Variants in SNTG2 observed in about 807,000 individuals in gnomAD.
The protein encoded by SNTG2 is gamma-2-syntrophin.
A neutral mutation model predicts 70.9 loss-of-function variants in SNTG2; 74 were observed. The ratio of observed to expected loss-of-function variants is 1.04; its 90% CI spans 0.86 to 1.27. The LOEUF is 1.27. Ranked by LOEUF, SNTG2 falls within the 50% of genes most tolerant of loss-of-function variation. The pLI is 0.00. For missense variants in SNTG2, 717 were observed against 690.7 expected (o/e 1.04, Z -0.43); for synonymous variants, 278 against 273.8 (o/e 1.02, Z -0.15).
chr2:1,255,921 T>TATATATATAA (rs1558603067), intron 12 of SNTG2, among the ~76,000 whole-genome samples: 2 of 65,228 alleles, frequency 3.1e-5, no homozygotes, highest in Non-Finnish European at 5.3e-5. Flanking sequence ...TATATATAAA[T>TATATATATAA]ATATAAATAT....
rs77101653 is a variant in SNTG2, at chr2:1,175,509, G to T, written c.591+2326G>T. 3.1e-3 allele frequency among the ~76,000 whole-genome samples: 470 copies of T among 152,250 alleles called. 3 individuals carry two copies. The highest frequency in any genetic ancestry group is 6.8e-3 in the Middle Eastern group (2 of 294). ...GACTGTAATTGCCAGATTTACTGGG[G>T]AGAATCAAACCTTTCTGACTCACCT... On this transcript the variant is annotated intron_variant, in intron 8 of 16. Transcript: ENST00000308624.
At chr2:1,249,312 C>T (rs1677623505) in intron 12 of SNTG2, among the ~76,000 whole-genome samples, 1 of 152,128 alleles carries the variant, frequency 6.6e-6, no homozygotes, top group South Asian at 2.1e-4. Context: ...GACACATTCA[C>T]TTGCTTTTTT....
chr2:1,137,559 G>A, intron 4 of SNTG2, 63 bp from the exon 5 acceptor site: 7 of 1,571,080 alleles, frequency 4.5e-6, no homozygotes, highest in African/African-American at 1.3e-5. Flanking sequence ...TTAAATGACT[G>A]TCATAACAAA....
Position 1,095,086 on chromosome 2 carries a change from AAG to A in SNTG2, c.211-3106_211-3105del, listed in dbSNP as rs1236753208. Among the ~76,000 whole-genome samples, 4 of 152,114 alleles carry A rather than the reference AAG, an allele frequency of 2.6e-5. No individual in the cohort carries two copies. In the East Asian group the frequency reaches 5.8e-4, roughly 22 times the overall value. On this transcript the variant is annotated intron_variant, in intron 2 of 16. Coordinates refer to ENST00000308624, the MANE Select transcript of SNTG2 (RefSeq NM_018968.4). ...GGGAGAGAAAGAGCAAGAGAGAAAAAAGAGAAAAAAAAAGAGAGAGAGAGAGC... is the reference window on the plus strand; with the variant it reads ...GGGAGAGAAAGAGCAAGAGAGAAAAAAGAAAAAAAAAGAGAGAGAGAGAGC...
At chr2:1,306,746 CTGTGTG>C (rs1055488259) in intron 14 of SNTG2, among the ~76,000 whole-genome samples, 1 of 148,646 alleles carries the variant, frequency 6.7e-6, no homozygotes, top group Non-Finnish European at 1.5e-5. Flanking sequence ...GTGAGCCACA[CTGTGTG>C]TGTCAGCCAT....
intron 1 of SNTG2, among the ~76,000 whole-genome samples, chr2:997,014 G>A (rs1441956625): frequency 6.6e-6 from 1 of 152,144 alleles, no homozygotes; most frequent in Non-Finnish European, 1.5e-5. Context: ...ACTTCGTTCT[G>A]TGTCTGCCTT....
intron 8 of SNTG2, among the ~76,000 whole-genome samples, chr2:1,186,316 C>T (rs1314796166): frequency 1.3e-5 from 2 of 152,208 alleles, no homozygotes; most frequent in African/African-American, 2.4e-5. Context: ...CACTTATTTT[C>T]CTATTTTCTG....
chr2:1,062,822 G>A (rs569099145), intron 1 of SNTG2, among the ~76,000 whole-genome samples: 2 of 152,186 alleles, frequency 1.3e-5, no homozygotes, highest in Admixed American at 6.5e-5. Context: ...TGGTGTATTC[G>A]TAAGTGATGT....
intron 4 of SNTG2, among the ~76,000 whole-genome samples, chr2:1,133,303 T>A (rs1300208575): frequency 6.6e-6 from 1 of 152,228 alleles, no homozygotes; most frequent in Non-Finnish European, 1.5e-5. Flanking sequence ...CAGAAGTGTC[T>A]TTACAAATTC....
chr2:1,234,470 T>C (rs1355979971), intron 9 of SNTG2, among the ~76,000 whole-genome samples: 1 of 152,234 alleles, frequency 6.6e-6, no homozygotes, highest in African/African-American at 2.4e-5. Flanking sequence ...TACAAATAAC[T>C]TTGTTTCAGT....
At chr2:1,124,970 A>G (rs1235279982) in intron 4 of SNTG2, among the ~76,000 whole-genome samples, 1 of 152,154 alleles carries the variant, frequency 6.6e-6, no homozygotes. Flanking sequence ...CAAAACAAAA[A>G]TATGGGTAAT....
At chr2:1,221,521 C>CTG (rs1674859991) in intron 9 of SNTG2, among the ~76,000 whole-genome samples, 1 of 6,582 alleles carries the variant, frequency 1.5e-4, no homozygotes, top group Non-Finnish European at 3.4e-4. Context: ...CTCTCTGTCT[C>CTG]TCTCTATCTC....
chr2:1,216,898 G>A (rs1044040654), intron 9 of SNTG2, among the ~76,000 whole-genome samples: 1 of 151,844 alleles, frequency 6.6e-6, no homozygotes, highest in Non-Finnish European at 1.5e-5. Context: ...TGATGGTTTT[G>A]TAAGGGGCTC....
rs541669637 is a variant in SNTG2 at position 1,007,555 on chromosome 2, C to T, written c.72+56487C>T. Reference sequence around the variant, plus strand: ...TGTCTTTAAATCACCCACCACAAGGCATAGTAGACAAGGTGAGCAAGGAAT... The same window carrying T: ...TGTCTTTAAATCACCCACCACAAGGTATAGTAGACAAGGTGAGCAAGGAAT... On this transcript the variant is annotated intron_variant, in intron 1 of 16. Coordinates refer to ENST00000308624, the MANE Select transcript of SNTG2 (RefSeq NM_018968.4). Among the ~76,000 whole-genome samples, 4 of 152,252 alleles carry T rather than the reference C, an allele frequency of 2.6e-5. No homozygotes were observed. The South Asian group carries it at 8.3e-4, about 32-fold the overall frequency.
intron 1 of SNTG2, among the ~76,000 whole-genome samples, chr2:956,121 G>T (rs1660137959): frequency 1.3e-5 from 1 of 78,004 alleles, no homozygotes; most frequent in South Asian, 4.6e-4. Context: ...CCCTGCCCCT[G>T]CCCATGCCCT....
rs1042564549 is a variant in SNTG2 at position 1,098,076 on chromosome 2, A to G, written c.211-120A>G. The G allele has an allele frequency of 4.9e-5, 54 of 1,103,724 alleles. 1 individual carries two copies. In the East Asian group the frequency reaches 1.3e-3, roughly 26 times the overall value. The allele number at this position is 1,103,724 out of a possible 1,614,324, so 68.4% of individuals were successfully genotyped here. ...TGTCATTACTGTCATATTTAGCCAAAGTTGCTTTGGAAATATAATTTAACA... is the reference window on the plus strand; with the variant it reads ...TGTCATTACTGTCATATTTAGCCAAGGTTGCTTTGGAAATATAATTTAACA... On this transcript the variant is annotated intron_variant, in intron 2 of 16. Coordinates refer to ENST00000308624, the MANE Select transcript of SNTG2 (RefSeq NM_018968.4).
intron 16 of SNTG2, among the ~76,000 whole-genome samples, chr2:1,351,145 T>C (rs747130563): frequency 1.4e-4 from 22 of 151,886 alleles, no homozygotes; most frequent in Non-Finnish European, 3.1e-4. Context: ...TTAATTTCCT[T>C]GTTTTCCCTC....
chr2:1,248,676 A>G (rs1175284333), intron 12 of SNTG2, among the ~76,000 whole-genome samples: 11 of 152,192 alleles, frequency 7.2e-5, no homozygotes, highest in Admixed American at 2.0e-4. Flanking sequence ...CAGAGCTAAG[A>G]TATTCATGCC....
Position 1,145,685 on chromosome 2 carries a change from A to C in SNTG2, c.411+7876A>C, listed in dbSNP as rs1300622309. ...TTCAGAGAACAGAAGCAGAAGGAACACTTCCTAGTGCATTCCATGAGGCCA... is the reference window on the plus strand; with the variant it reads ...TTCAGAGAACAGAAGCAGAAGGAACCCTTCCTAGTGCATTCCATGAGGCCA... On this transcript the variant is annotated intron_variant, in intron 6 of 16. Transcript: ENST00000308624. 6.6e-5 allele frequency among the ~76,000 whole-genome samples: 10 copies of C among 152,380 alleles called. No individual in the cohort carries two copies. In the East Asian group the frequency reaches 1.9e-3, roughly 29 times the overall value.
Sources: allele counts gnomAD v4.1 joint callset (sites outside exome capture counted in the v4.1 genomes callset), GRCh38; gene constraint gnomAD v4.1.1; transcripts MANE v1.5; gene names NCBI Gene and HGNC (gene_info 2026-07-23, HGNC 2026-07-21).